DLGAP1: variants seen among roughly 807,000 people sequenced by gnomAD.
DLGAP1 encodes the protein DLG associated protein 1.
DLGAP1 carries 11 observed loss-of-function variants against 90.8 expected under a neutral mutation model. That is an observed-to-expected ratio of 0.12 (90% confidence interval 0.08 to 0.20). The LOEUF (loss-of-function observed/expected upper bound fraction) is 0.20. Ranked by LOEUF, DLGAP1 falls within the 10% of genes least tolerant of loss-of-function variation. The pLI, the probability that DLGAP1 is intolerant of heterozygous loss-of-function variation, is 1.00. For missense variants in DLGAP1, 1,050 were observed against 1,333.8 expected, an observed-to-expected ratio of 0.79 and a Z score of 3.31; for synonymous variants, 558 against 540.7, an observed-to-expected ratio of 1.03 and a Z score of -0.44.
chr18:4,443,148 C>T (rs2083577266), intron 1 of DLGAP1, among the ~76,000 whole-genome samples: 1 of 152,234 alleles, frequency 6.6e-6, no homozygotes, highest in Admixed American at 6.5e-5. Context: ...AAATAGTCTA[C>T]ATATCTTGGT....
intron 2 of DLGAP1, among the ~76,000 whole-genome samples, chr18:4,017,365 C>T (rs2074540015): frequency 6.6e-6 from 1 of 152,138 alleles, no homozygotes; most frequent in African/African-American, 2.4e-5. Flanking sequence ...AAACTGAATA[C>T]TCAGAAAGAA....
At chr18:4,361,294 A>G (rs1240236609) in intron 1 of DLGAP1, among the ~76,000 whole-genome samples, 1 of 152,218 alleles carries the variant, frequency 6.6e-6, no homozygotes, top group Non-Finnish European at 1.5e-5. Context: ...GAAATCCTGA[A>G]TAGCCAAAAC....
chr18:3,933,276 C>T (rs761981651), intron 3 of DLGAP1, among the ~76,000 whole-genome samples: 4 of 152,050 alleles, frequency 2.6e-5, no homozygotes, highest in Admixed American at 2.0e-4. Flanking sequence ...GCTTATAGTG[C>T]GGTGGGAAAA....
chr18:4,269,912 A>C (rs998204482), intron 1 of DLGAP1, among the ~76,000 whole-genome samples: 3 of 152,176 alleles, frequency 2.0e-5, no homozygotes, highest in African/African-American at 7.2e-5. Flanking sequence ...CTGTTTGTAA[A>C]GTCTTCTTTC....
At chr18:4,126,582 G>A (rs1844246842) in intron 2 of DLGAP1, among the ~76,000 whole-genome samples, 1 of 152,146 alleles carries the variant, frequency 6.6e-6, no homozygotes, top group South Asian at 2.1e-4. Context: ...TATGCAGGTA[G>A]ATATATTAGC....
At chr18:3,710,657 G>T (rs2061570977) in intron 7 of DLGAP1, among the ~76,000 whole-genome samples, 2 of 152,202 alleles carry the variant, frequency 1.3e-5, no homozygotes, top group South Asian at 4.1e-4. Flanking sequence ...TTTTTGGCTG[G>T]AATTGAGATG....
At chr18:3,536,398 A>T (rs1479892076) in intron 9 of DLGAP1, among the ~76,000 whole-genome samples, 1 of 151,470 alleles carries the variant, frequency 6.6e-6, no homozygotes, top group Non-Finnish European at 1.5e-5. Flanking sequence ...TAATTTTTGT[A>T]TTTTTAGTAG....
At chr18:4,135,221 G>A (rs375542360) in intron 2 of DLGAP1, among the ~76,000 whole-genome samples, 16 of 152,078 alleles carry the variant, frequency 1.1e-4, no homozygotes, top group Admixed American at 7.9e-4. Flanking sequence ...TTATGCAACT[G>A]GGTGGGTGGG....
At chr18:4,364,092 T>C (rs1279950422) in intron 1 of DLGAP1, among the ~76,000 whole-genome samples, 1 of 151,776 alleles carries the variant, frequency 6.6e-6, no homozygotes, top group Non-Finnish European at 1.5e-5. Flanking sequence ...AATGATGAGT[T>C]CATGTCCTTT....
intron 7 of DLGAP1, among the ~76,000 whole-genome samples, chr18:3,667,081 A>ATT (rs112725906): frequency 2.4e-4 from 35 of 143,146 alleles, no homozygotes; most frequent in East Asian, 4.1e-4. Context: ...TAATTTGTCA[A>ATT]TTTTTTTTTT....
Position 3,880,128 on chromosome 18 carries a change from C to A in DLGAP1, c.-60G>T. 2.0e-6 allele frequency: 3 copies of A among 1,503,328 alleles called. No homozygotes were observed. The highest frequency in any genetic ancestry group is 2.7e-6 in the Non-Finnish European group (3 of 1,097,326). The allele number at this position is 1,503,328 out of a possible 1,614,324, so 93.1% of individuals were successfully genotyped here. On this transcript the variant is annotated 5_prime_UTR_variant, in exon 4 of 13. Coordinates refer to ENST00000315677, the MANE Select transcript of DLGAP1 (RefSeq NM_004746.4). ...CCCGGAAGTCAGGCTCCAGACCCGT[C>A]TTGGGCAGGGATCTGGGGGAATGAA...
At chr18:3,523,662 A>G (rs1426952647) in intron 10 of DLGAP1, among the ~76,000 whole-genome samples, 6 of 152,172 alleles carry the variant, frequency 3.9e-5, no homozygotes, top group Admixed American at 1.3e-4. Flanking sequence ...CCTGGCTAAC[A>G]CGGTGAAACC....
At chr18:4,056,057 A>T (rs1568372192) in intron 2 of DLGAP1, among the ~76,000 whole-genome samples, 2 of 152,200 alleles carry the variant, frequency 1.3e-5, no homozygotes, top group Non-Finnish European at 2.9e-5. Context: ...CTTTAAAGAT[A>T]GATACATATT....
intron 1 of DLGAP1, among the ~76,000 whole-genome samples, chr18:4,439,265 G>A (rs2083473541): frequency 6.6e-6 from 1 of 152,212 alleles, no homozygotes; most frequent in East Asian, 1.9e-4. Context: ...CTTTTCAGGA[G>A]ATGATATATT....
At position 3,526,357 on chromosome 18, in the gene DLGAP1, C is replaced by T. The variant is rs142856847; in HGVS notation, c.2479+7837G>A. Among the ~76,000 whole-genome samples, 297 of 152,234 alleles carry T rather than the reference C, an allele frequency of 2.0e-3. 2 individuals carry two copies. The highest frequency in any genetic ancestry group is 6.7e-3 in the African/African-American group (278 of 41,542). ...GCGGATAAACCCTGGGTGATGGCAC[C>T]GATAGACCATCACAATGACTGTGCA... On this transcript the variant is annotated intron_variant, in intron 10 of 12. Coordinates refer to ENST00000315677, the MANE Select transcript of DLGAP1 (RefSeq NM_004746.4). The surrounding 1 kb of genome is among the most constrained non-coding windows in gnomAD (Gnocchi z 4.7).
At chr18:3,697,297 C>T (rs573427986) in intron 7 of DLGAP1, among the ~76,000 whole-genome samples, 17 of 152,084 alleles carry the variant, frequency 1.1e-4, no homozygotes, top group South Asian at 8.3e-4. Context: ...GTTGATTTTA[C>T]GTCTTTCCCG....
intron 1 of DLGAP1, among the ~76,000 whole-genome samples, chr18:4,157,996 G>A (rs148582093): frequency 4.6e-5 from 7 of 152,232 alleles, no homozygotes; most frequent in African/African-American, 1.7e-4. Flanking sequence ...TGAAAATGAA[G>A]ACATACAAAG....
In DLGAP1 at chr18:3,879,534, C is replaced by T. The variant is rs1421163871; in HGVS notation, c.535G>A (p.Gly179Ser). The change falls in exon 4 of 13, where the codon GGC becomes AGC. Residue 179 changes from glycine (G) to serine (S), a missense_variant. By Grantham distance (56) the Gly-to-Ser change is moderately conservative (BLOSUM62 0). This residue lies in a region of DLGAP1 where 485 missense variants were observed against 454.1 expected (regional missense o/e 1.07). Coordinates refer to ENST00000315677, the MANE Select transcript of DLGAP1 (RefSeq NM_004746.4). This position sits in a 1 kb window ranked among gnomAD's most constrained non-coding sequence, Gnocchi z 6.6. ...SPDEAQAARY[G>S]KRSKSKERRA... ...CGCTCCTTGCTCTTGCTGCGTTTGC[C>T]ATAGCGCGCCGCCTGCGCCTCGTCA... 1 of 1,600,548 alleles carries T rather than the reference C, an allele frequency of 6.2e-7. No homozygotes were observed. Among genetic ancestry groups the T allele is most frequent in the Non-Finnish European group, 8.5e-7 (1 of 1,178,524 alleles).
At chr18:3,740,045 T>C (rs991407207) in intron 6 of DLGAP1, among the ~76,000 whole-genome samples, 2 of 152,178 alleles carry the variant, frequency 1.3e-5, no homozygotes, top group Admixed American at 6.5e-5. Context: ...CTAAAAACAG[T>C]GAGCTGCAAG....
Sources: allele counts gnomAD v4.1 joint callset (sites outside exome capture counted in the v4.1 genomes callset), GRCh38; gene constraint gnomAD v4.1.1; regional missense constraint gnomAD v4.1.1; non-coding constraint Gnocchi (gnomAD v3.1); transcripts MANE v1.5; gene names NCBI Gene and HGNC (gene_info 2026-07-23, HGNC 2026-07-21).